Variants in SYT10 observed in about 807,000 individuals in gnomAD.
The protein encoded by SYT10 is synaptotagmin-10.
SYT10 carries 31 observed loss-of-function variants against 51.1 expected under a neutral mutation model. The observed-to-expected ratio is 0.61, with a 90% CI of 0.46 to 0.82. The LOEUF (loss-of-function observed/expected upper bound fraction) is 0.82. SYT10 is among the 40% of genes least tolerant of loss of function. The pLI, the probability that SYT10 is intolerant of heterozygous loss-of-function variation, is 0.00. For missense variants in SYT10, 603 were observed against 634.0 expected (o/e 0.95, Z 0.53); for synonymous variants, 233 against 225.9 (o/e 1.03, Z -0.28).
intron 2 of SYT10, among the ~76,000 whole-genome samples, chr12:33,411,334 A>C (rs1190651807): frequency 1.3e-5 from 2 of 152,130 alleles, no homozygotes; most frequent in Non-Finnish European, 2.9e-5. Context: ...TGGTTAAGAT[A>C]GCTTGATATG....
intron 3 of SYT10, chr12:33,405,703 C>T (rs183901251): frequency 4.0e-5 from 6 of 151,512 alleles, no homozygotes; most frequent in South Asian, 2.1e-4. Context: ...TTGTAAGTTG[C>T]GATACAACTC....
chr12:33,388,809 A>G (rs1866179613), intron 3 of SYT10, among the ~76,000 whole-genome samples: 1 of 152,328 alleles, frequency 6.6e-6, no homozygotes, highest in East Asian at 1.9e-4. Flanking sequence ...ACTGAGTCAC[A>G]GTTATAAAGT....
At chr12:33,385,396 G>A in intron 3 of SYT10, 105 bp from the exon 4 acceptor site, 1 of 1,455,628 alleles carries the variant, frequency 6.9e-7, no homozygotes, top group Non-Finnish European at 9.2e-7. Context: ...TTGTTTTATT[G>A]AGGATAATAC....
At chr12:33,379,549 CAAAAAAAAAAAAAA>C (rs71068377) in intron 6 of SYT10, among the ~76,000 whole-genome samples, 4 of 22,058 alleles carry the variant, frequency 1.8e-4, no homozygotes, top group African/African-American at 2.3e-4. Flanking sequence ...TCAGGCTATG[CAAAAAAAAAAAAAA>C]AAAAAAAAAA....
intron 3 of SYT10, among the ~76,000 whole-genome samples, chr12:33,389,524 T>C (rs1485007862): frequency 1.3e-5 from 2 of 151,864 alleles, no homozygotes; most frequent in African/African-American, 4.8e-5. Context: ...TAGATTAGGA[T>C]GAAAAAAGAC....
At chr12:33,390,554 A>T (rs1182686210) in intron 3 of SYT10, among the ~76,000 whole-genome samples, 1 of 135,580 alleles carries the variant, frequency 7.4e-6, no homozygotes. Context: ...CCCACAACCC[A>T]AAAACTCCAC....
At position 33,374,698 on chromosome 12, in the gene SYT10, T is replaced by A. The variant is rs986626818; in HGVS notation, c.*2132A>T. The A allele has an allele frequency of 6.6e-6, 1 of 151,952 alleles. No individual in the cohort carries two copies. The highest frequency in any genetic ancestry group is 1.5e-5 in the Non-Finnish European group (1 of 67,876). The allele number at this position is 151,952 out of a possible 1,614,324, so 9.4% of individuals were successfully genotyped here. A position where few individuals can be genotyped will look rare whatever the true frequency, so the allele number is the denominator to read the frequency against. On this transcript the variant is annotated 3_prime_UTR_variant, in exon 7 of 7. Coordinates refer to ENST00000228567, the MANE Select transcript of SYT10 (RefSeq NM_198992.4). ...GTTTATTCTAACTTCAAGGAAACATTTAAAAAATTCTTTTAAAACTTATTT... is the reference window on the plus strand; with the variant it reads ...GTTTATTCTAACTTCAAGGAAACATATAAAAAATTCTTTTAAAACTTATTT...
Position 33,379,900 on chromosome 12 carries a change from G to A in SYT10, c.1432C>T (p.Arg478Ter), listed in dbSNP as rs770125863. Residue 478 changes from arginine to a stop codon, truncating the protein, a stop_gained, in exon 6 of 7, where the codon CGA becomes TGA. Coordinates refer to ENST00000228567, the MANE Select transcript of SYT10 (RefSeq NM_198992.4). LOFTEE classifies it high-confidence loss of function. Reference sequence around the variant, plus strand: ...GCCAGCATTTCATTCCAGTGGTCTCGCCCAAGACCCTCAGCATCCAGTCCT... The same window carrying A: ...GCCAGCATTTCATTCCAGTGGTCTCACCCAAGACCCTCAGCATCCAGTCCT... Reference protein sequence around the residue: ...RTGLDAEGLGRDHWNEMLAYH... With the variant: ...RTGLDAEGLG 5.6e-6 allele frequency: 9 copies of A among 1,613,734 alleles called. No homozygotes were observed. The highest frequency in any genetic ancestry group is 4.5e-5 in the East Asian group (2 of 44,870).
intron 3 of SYT10, among the ~76,000 whole-genome samples, chr12:33,402,087 C>T (rs138284887): frequency 1.3e-5 from 2 of 152,168 alleles, no homozygotes; most frequent in African/African-American, 4.8e-5. Context: ...TAGATTCCTA[C>T]CTGAGCACTA....
At chr12:33,390,811 C>CCTAGGG (rs1425038000) in intron 3 of SYT10, among the ~76,000 whole-genome samples, 1 of 152,166 alleles carries the variant, frequency 6.6e-6, no homozygotes, top group African/African-American at 2.4e-5. Context: ...TTTTTCTCCT[C>CCTAGGG]CTAGGGCTTA....
intron 2 of SYT10, 63 bp from the exon 3 acceptor site, chr12:33,407,419 A>G: frequency 1.3e-6 from 2 of 1,538,570 alleles, no homozygotes; most frequent in Non-Finnish European, 8.7e-7. Context: ...AATGTTATAC[A>G]GTGACATATA....
At chr12:33,379,300 TA>T (rs1866092723) in intron 6 of SYT10, among the ~76,000 whole-genome samples, 1 of 152,102 alleles carries the variant, frequency 6.6e-6, no homozygotes, top group African/African-American at 2.4e-5. Flanking sequence ...TGAACTCGAC[TA>T]AACTGACACC....
intron 2 of SYT10, chr12:33,423,983 C>G (rs1008511118): frequency 4.4e-6 from 2 of 455,872 alleles, no homozygotes; most frequent in East Asian, 1.4e-4. Flanking sequence ...GCTCAAAATT[C>G]TTTTCTTCTT....
At chr12:33,378,405 T>C (rs1866083904) in intron 6 of SYT10, among the ~76,000 whole-genome samples, 1 of 152,194 alleles carries the variant, frequency 6.6e-6, no homozygotes, top group African/African-American at 2.4e-5. Context: ...TGAGAGTTCT[T>C]GCTCACATTA....
At position 33,374,784 on chromosome 12, in the gene SYT10, C is replaced by T. The variant is rs549713750; in HGVS notation, c.*2046G>A. ...GCCAATGGTTCACATTTTTTCATCA[C>T]AAGCATTGGCTTTTTCTCCTTAGGG... On this transcript the variant is annotated 3_prime_UTR_variant, in exon 7 of 7. Coordinates refer to ENST00000228567, the MANE Select transcript of SYT10 (RefSeq NM_198992.4). The T allele has an allele frequency of 6.6e-6, 1 of 151,968 alleles. No homozygotes were observed. The highest frequency in any genetic ancestry group is 1.5e-5 in the Non-Finnish European group (1 of 67,862). The allele number at this position is 151,968 out of a possible 1,614,324, so 9.4% of individuals were successfully genotyped here. A position where few individuals can be genotyped will look rare whatever the true frequency, so the allele number is the denominator to read the frequency against.
At chr12:33,410,036 C>T (rs2138418571) in intron 2 of SYT10, among the ~76,000 whole-genome samples, 1 of 152,242 alleles carries the variant, frequency 6.6e-6, no homozygotes, top group South Asian at 2.1e-4. Context: ...CTTCCTCAAG[C>T]TGGAAATGTA....
intron 2 of SYT10, among the ~76,000 whole-genome samples, chr12:33,416,134 GCA>G (rs1322188043): frequency 0.11 from 17,080 of 151,850 alleles, 1,050 homozygotes; most frequent in Admixed American, 0.17. Flanking sequence ...AGGCTGGAGT[GCA>G]GTGGTGTGAT....
At chr12:33,397,065 G>C (rs1866262677) in intron 3 of SYT10, among the ~76,000 whole-genome samples, 1 of 152,112 alleles carries the variant, frequency 6.6e-6, no homozygotes, top group Non-Finnish European at 1.5e-5. Flanking sequence ...GCCTTTGAAG[G>C]ACTAATTTGA....
At chr12:33,391,252 AT>A (rs770781870) in intron 3 of SYT10, among the ~76,000 whole-genome samples, 2,446 of 147,516 alleles carry the variant, frequency 0.017, 36 homozygotes, top group Middle Eastern at 0.052. Context: ...ATTTTATTTT[AT>A]TTTTTTTTAT....
Sources: allele counts gnomAD v4.1 joint callset (sites outside exome capture counted in the v4.1 genomes callset), GRCh38; gene constraint gnomAD v4.1.1; transcripts MANE v1.5; gene names NCBI Gene and HGNC (gene_info 2026-07-23, HGNC 2026-07-21).